Variants in EXOC6B observed in about 807,000 individuals in gnomAD.
The protein encoded by EXOC6B is SEC15 homolog B.
In EXOC6B, 54 loss-of-function variants were observed where a neutral mutation model predicts 113.5. The ratio of observed to expected loss-of-function variants is 0.48; its 90% CI spans 0.38 to 0.60. The LOEUF (loss-of-function observed/expected upper bound fraction) is 0.60, where lower values mean the gene tolerates loss of function less well. Ranked by LOEUF, EXOC6B falls within the 20% of genes least tolerant of loss-of-function variation. EXOC6B has a pLI of 0.00. For synonymous variants in EXOC6B, 357 were observed against 339.0 expected, an observed-to-expected ratio of 1.05 and a Z score of -0.58; for missense variants, 797 against 977.5, an observed-to-expected ratio of 0.82 and a Z score of 2.46.
chr2:72,497,816 GAAGA>G (rs1408206793), intron 13 of EXOC6B, among the ~76,000 whole-genome samples: 1 of 152,144 alleles, frequency 6.6e-6, no homozygotes. Context: ...TATAAAAAGA[GAAGA>G]AAGTCAAATG....
chr2:72,686,108 T>A (rs771760508), intron 6 of EXOC6B, among the ~76,000 whole-genome samples: 15 of 152,216 alleles, frequency 9.9e-5, no homozygotes, highest in Non-Finnish European at 1.8e-4. Flanking sequence ...AGCTTGATAA[T>A]TCCCTTTTTT....
chr2:72,569,845 A>G (rs1039415427), intron 7 of EXOC6B, among the ~76,000 whole-genome samples: 1 of 152,214 alleles, frequency 6.6e-6, no homozygotes. Flanking sequence ...GCAATTTGAC[A>G]TAATTATTGT....
chr2:72,633,386 G>T (rs1672611964), intron 6 of EXOC6B, among the ~76,000 whole-genome samples: 1 of 152,096 alleles, frequency 6.6e-6, no homozygotes, highest in Non-Finnish European at 1.5e-5. Flanking sequence ...AAATTAGGCA[G>T]GATCATACAA....
At chr2:72,413,688 G>GAA (rs779663149) in intron 18 of EXOC6B, among the ~76,000 whole-genome samples, 25,962 of 107,918 alleles carry the variant, frequency 0.24, 4,096 homozygotes, top group African/African-American at 0.54. Context: ...CCTCAAAAAA[G>GAA]AAAAAAAAAA....
chr2:72,682,555 G>C (rs937929627), intron 6 of EXOC6B, among the ~76,000 whole-genome samples: 68 of 152,092 alleles, frequency 4.5e-4, no homozygotes, highest in African/African-American at 1.6e-3. Context: ...ATGGAGCAAT[G>C]ATGGGCTCAC....
At chr2:72,569,934 A>G (rs1183863800) in intron 7 of EXOC6B, among the ~76,000 whole-genome samples, 1 of 152,194 alleles carries the variant, frequency 6.6e-6, no homozygotes, top group Non-Finnish European at 1.5e-5. Flanking sequence ...AAAAGCTTGT[A>G]CATTCTAAAA....
At chr2:72,590,988 G>C (rs1274707598) in intron 6 of EXOC6B, among the ~76,000 whole-genome samples, 1 of 151,944 alleles carries the variant, frequency 6.6e-6, no homozygotes. Context: ...TCTATTACCT[G>C]TTCTGTAAAA....
chr2:72,291,331 C>T (rs1484954518), intron 20 of EXOC6B, among the ~76,000 whole-genome samples: 4 of 152,204 alleles, frequency 2.6e-5, no homozygotes, highest in Non-Finnish European at 5.9e-5. Flanking sequence ...ACCTGGTCAA[C>T]TATAGCTATT....
chr2:72,273,235 G>C (rs1347112725), intron 20 of EXOC6B, among the ~76,000 whole-genome samples: 2 of 152,030 alleles, frequency 1.3e-5, no homozygotes, highest in Non-Finnish European at 2.9e-5. Flanking sequence ...TAATTTCTAA[G>C]CATCTATCTC....
intron 20 of EXOC6B, among the ~76,000 whole-genome samples, chr2:72,208,436 A>G (rs1478032180): frequency 6.6e-6 from 1 of 152,140 alleles, no homozygotes; most frequent in African/African-American, 2.4e-5. Context: ...TTATGGTTGC[A>G]TAGTATTCCA....
chr2:72,321,024 C>A (rs1476362007), intron 20 of EXOC6B, among the ~76,000 whole-genome samples: 1 of 152,062 alleles, frequency 6.6e-6, no homozygotes, highest in Non-Finnish European at 1.5e-5. Flanking sequence ...ATGAAAACCT[C>A]CGCGACATAT....
At chr2:72,347,219 T>C (rs1310185503) in intron 19 of EXOC6B, among the ~76,000 whole-genome samples, 2 of 152,160 alleles carry the variant, frequency 1.3e-5, no homozygotes, top group Non-Finnish European at 2.9e-5. Context: ...CTCTCCCAGT[T>C]GGCAATCAGC....
At chr2:72,759,586 T>G (rs1682623673) in intron 1 of EXOC6B, among the ~76,000 whole-genome samples, 1 of 152,004 alleles carries the variant, frequency 6.6e-6, no homozygotes, top group African/African-American at 2.4e-5. Flanking sequence ...CTTTGTTAAG[T>G]AGGTACAGAA....
At chr2:72,500,285 AC>A (rs1700247666) in intron 11 of EXOC6B, among the ~76,000 whole-genome samples, 1 of 152,214 alleles carries the variant, frequency 6.6e-6, no homozygotes, top group Non-Finnish European at 1.5e-5. Flanking sequence ...ACTATAAAAT[AC>A]TTCATATCAA....
At chr2:72,371,945 A>C (rs956690211) in intron 19 of EXOC6B, among the ~76,000 whole-genome samples, 1 of 152,178 alleles carries the variant, frequency 6.6e-6, no homozygotes, top group Admixed American at 6.5e-5. Context: ...CCACCAAAAA[A>C]ATGATAAGAA....
chr2:72,306,593 CATCTT>C (rs1686872557), intron 20 of EXOC6B, among the ~76,000 whole-genome samples: 1 of 152,230 alleles, frequency 6.6e-6, no homozygotes, highest in South Asian at 2.1e-4. Flanking sequence ...CAGCTACAAA[CATCTT>C]ATGTGGTACT....
At chr2:72,600,098 G>A (rs1040083531) in intron 6 of EXOC6B, among the ~76,000 whole-genome samples, 3 of 152,078 alleles carry the variant, frequency 2.0e-5, no homozygotes, top group Non-Finnish European at 2.9e-5. Context: ...TAATACTAAC[G>A]AAGAGGAAGA....
chr2:72,426,838 C>T (rs964323761), intron 18 of EXOC6B, among the ~76,000 whole-genome samples: 6 of 152,244 alleles, frequency 3.9e-5, no homozygotes, highest in Admixed American at 1.3e-4. Context: ...CCATCCGGAG[C>T]GGCCGCTGCT....
chr2:72,773,367 C>T (rs1473069970), intron 1 of EXOC6B, among the ~76,000 whole-genome samples: 2 of 149,504 alleles, frequency 1.3e-5, no homozygotes, highest in African/African-American at 4.9e-5. Flanking sequence ...TGGGCTCAAG[C>T]AATCCACCTG....
Sources: gnomAD v4.1 joint callset for allele counts (sites outside exome capture counted in the v4.1 genomes callset) on GRCh38, gnomAD v4.1.1 for gene constraint, MANE v1.5 for transcripts, NCBI Gene and HGNC (gene_info 2026-07-23, HGNC 2026-07-21) for gene names.